STAT5B: variants seen among roughly 807,000 people sequenced by gnomAD.
STAT5B encodes the protein signal transducer and activator of transcription 5B, also known as transcription factor STAT5B.
A neutral mutation model predicts 107.8 loss-of-function variants in STAT5B; 21 were observed. The ratio of observed to expected loss-of-function variants is 0.19; its 90% CI spans 0.14 to 0.28. The LOEUF is 0.28. STAT5B is among the 10% of genes least tolerant of loss of function. STAT5B has a pLI of 1.00. For synonymous variants in STAT5B, 325 were observed against 401.7 expected (o/e 0.81, Z 2.28); for missense variants, 565 against 1,008.2 (o/e 0.56, Z 5.95).
Position 42,203,146 on chromosome 17 carries a change from AC to A in STAT5B, c.2078-339del, listed in dbSNP as rs546256238. Among the ~76,000 whole-genome samples the A allele has an allele frequency of 1.3e-4, 20 of 152,088 alleles. No individual in the cohort carries two copies. In the East Asian group the frequency reaches 3.7e-3, roughly 28 times the overall value. ...AGTAGAGATGGGGTTTCACCATGTC[AC>A]CCAGGCTGTTTTCTAACTCCTGACC... On this transcript the variant is annotated intron_variant, in intron 16 of 18. Transcript: ENST00000293328.
chr17:42,285,081 T>C, the STAT5B span, among the ~76,000 whole-genome samples: 2 of 130,570 alleles, frequency 1.5e-5, no homozygotes, highest in African/African-American at 3.8e-5. Context: ...AATATATTGC[T>C]TTTTTTTTTT....
At chr17:42,272,863 A>G (rs2080732222) in intron 1 of STAT5B, among the ~76,000 whole-genome samples, 1 of 152,212 alleles carries the variant, frequency 6.6e-6, no homozygotes, top group Admixed American at 6.5e-5. Context: ...CTCTGAAACC[A>G]TCAAAAGTGA....
At chr17:42,265,377 CT>C (rs371149930) in intron 1 of STAT5B, among the ~76,000 whole-genome samples, 78 of 110,320 alleles carry the variant, frequency 7.1e-4, no homozygotes, top group Admixed American at 8.3e-4. Context: ...ATGTACTCTT[CT>C]TTTTTTTTTT....
chr17:42,287,382 G>A, the STAT5B span, among the ~76,000 whole-genome samples: 5 of 152,204 alleles, frequency 3.3e-5, no homozygotes, highest in Admixed American at 2.6e-4. Context: ...TGAGTGGGCA[G>A]CTGGGCTGGC....
intron 1 of STAT5B, among the ~76,000 whole-genome samples, chr17:42,273,823 T>C (rs2080741177): frequency 6.6e-6 from 1 of 152,132 alleles, no homozygotes; most frequent in Non-Finnish European, 1.5e-5. Context: ...TACAGACAAT[T>C]TGAATACTAA....
At chr17:42,218,604 G>C (rs1383257553) in intron 8 of STAT5B, 119 bp downstream of exon 8, 1 of 1,572,342 alleles carries the variant, frequency 6.4e-7, no homozygotes, top group African/African-American at 1.4e-5. Flanking sequence ...ACTGGAGATG[G>C]AGTTGGGAGG....
At chr17:42,204,473 A>G (rs1276122657) in intron 16 of STAT5B, among the ~76,000 whole-genome samples, 3 of 152,214 alleles carry the variant, frequency 2.0e-5, no homozygotes, top group Non-Finnish European at 4.4e-5. Flanking sequence ...AGGGTTCACC[A>G]ATTGCTTATT....
chr17:42,229,419 G>C (rs2144288706), intron 2 of STAT5B, among the ~76,000 whole-genome samples: 1 of 151,682 alleles, frequency 6.6e-6, no homozygotes, highest in South Asian at 2.1e-4. Context: ...CAAAGTGCTG[G>C]GATTACAGGC....
At chr17:42,282,112 C>T in the STAT5B span, among the ~76,000 whole-genome samples, 15 of 152,130 alleles carry the variant, frequency 9.9e-5, no homozygotes, top group African/African-American at 2.9e-4. Flanking sequence ...GTCAAAGCTC[C>T]GGAAGTTCTG....
intron 9 of STAT5B, chr17:42,217,783 C>A (rs763578206): frequency 5.8e-5 from 26 of 445,274 alleles, no homozygotes; most frequent in Non-Finnish European, 9.5e-5. Context: ...CAGCTCACTG[C>A]AATCTCTGCC....
At chr17:42,248,276 A>G (rs1285192374) in intron 1 of STAT5B, among the ~76,000 whole-genome samples, 2 of 149,606 alleles carry the variant, frequency 1.3e-5, no homozygotes, top group Non-Finnish European at 3.0e-5. Context: ...TCTTGTCCAA[A>G]AAAAAAAAAA....
Position 42,253,140 on chromosome 17 carries a change from T to C in STAT5B, c.-10-21003A>G, listed in dbSNP as rs114395859. ...TCTTTCTTTCTTTCTTTCTTTCTTT[T>C]TTTCATCTCTGTGAGTTCTTCAACT... On this transcript the variant is annotated intron_variant, in intron 1 of 18. Transcript: ENST00000293328. Among the ~76,000 whole-genome samples the C allele has an allele frequency of 2.5e-3, 367 of 148,776 alleles. 3 individuals carry two copies. Among genetic ancestry groups the C allele is most frequent in the African/African-American group, 8.9e-3 (349 of 39,318 alleles).
intron 1 of STAT5B, among the ~76,000 whole-genome samples, chr17:42,242,286 T>C (rs1268834241): frequency 6.6e-6 from 1 of 152,034 alleles, no homozygotes; most frequent in African/African-American, 2.4e-5. Context: ...AGATGCACAA[T>C]CTCAAAAATA....
intron 1 of STAT5B, among the ~76,000 whole-genome samples, chr17:42,239,334 G>A (rs912555134): frequency 6.6e-6 from 1 of 151,418 alleles, no homozygotes; most frequent in Admixed American, 6.6e-5. Flanking sequence ...AAGCCAGCAG[G>A]GAGCCATGCC....
chr17:42,218,923 G>T (rs2467651), intron 7 of STAT5B, 45 bp from the exon 8 acceptor site: 148 of 1,613,362 alleles, frequency 9.2e-5, no homozygotes, highest in African/African-American at 4.0e-4. Flanking sequence ...TGGCTCCTCC[G>T]CACAGACGCC....
intron 1 of STAT5B, among the ~76,000 whole-genome samples, chr17:42,245,378 G>A (rs9916508): frequency 2.0e-5 from 3 of 148,892 alleles, no homozygotes; most frequent in Non-Finnish European, 4.5e-5. Context: ...GCCTGGCTGA[G>A]TCTTGCTCTT....
At position 42,255,987 on chromosome 17, in the gene STAT5B, C is replaced by T. The variant is rs543121143; in HGVS notation, c.-11+20261G>A. ...CCTGTAATCCCAGCTACTCAGGAGG[C>T]TGAGGCAGGAGAATTGCTTGAATCC... On this transcript the variant is annotated intron_variant, in intron 1 of 18. Transcript: ENST00000293328. 2.3e-4 allele frequency among the ~76,000 whole-genome samples: 35 copies of T among 152,150 alleles called. No individual in the cohort carries two copies. In the South Asian group the frequency reaches 6.6e-3, roughly 29 times the overall value.
chr17:42,227,378 TAAAA>T (rs75771968), intron 3 of STAT5B, 147 bp downstream of exon 3: 56 of 851,046 alleles, frequency 6.6e-5, no homozygotes, highest in Non-Finnish European at 8.3e-5. Flanking sequence ...AAATAAAAAG[TAAAA>T]AAAAAAAAAA....
chr17:42,202,626 C>G, intron 17 of STAT5B, 131 bp downstream of exon 17: 1 of 1,543,064 alleles, frequency 6.5e-7, no homozygotes. Flanking sequence ...ATCACCAAGC[C>G]CAGGTCCTTC....
Sources: gnomAD v4.1 joint callset for allele counts (sites outside exome capture counted in the v4.1 genomes callset) on GRCh38, gnomAD v4.1.1 for gene constraint, MANE v1.5 for transcripts, NCBI Gene and HGNC (gene_info 2026-07-23, HGNC 2026-07-21) for gene names.